The following GRIP1 variants were observed in gnomAD, a reference collection of about 807,000 sequenced individuals.
GRIP1 encodes the protein glutamate receptor interacting protein 1, also known as glutamate receptor-interacting protein 1.
In GRIP1, 45 loss-of-function variants were observed where a neutral mutation model predicts 129.9. The observed-to-expected ratio is 0.35, with a 90% CI of 0.27 to 0.44. The LOEUF (loss-of-function observed/expected upper bound fraction) is 0.44, where lower values mean the gene tolerates loss of function less well. Ranked by LOEUF, GRIP1 falls within the 20% of genes least tolerant of loss-of-function variation. The probability of loss-of-function intolerance (pLI) is 1.00; values close to 1 mark genes in which losing one functional copy is unlikely to be tolerated. For synonymous variants in GRIP1, 530 were observed against 520.8 expected (o/e 1.02, Z -0.24); for missense variants, 1,196 against 1,396.8 (o/e 0.86, Z 2.29).
intron 1 of GRIP1, among the ~76,000 whole-genome samples, chr12:66,962,338 G>A (rs1035197746): frequency 1.3e-5 from 2 of 152,120 alleles, no homozygotes; most frequent in African/African-American, 4.8e-5. Context: ...ACTTCAAAGG[G>A]GAAAGGAATC....
intron 1 of GRIP1, among the ~76,000 whole-genome samples, chr12:66,669,343 G>A (rs1288276912): frequency 6.6e-6 from 1 of 152,046 alleles, no homozygotes; most frequent in Non-Finnish European, 1.5e-5. Context: ...AGCTGAGATC[G>A]TGCCACTGCA....
At chr12:66,982,503 C>T (rs1362122123) in intron 1 of GRIP1, among the ~76,000 whole-genome samples, 1 of 152,202 alleles carries the variant, frequency 6.6e-6, no homozygotes, top group Non-Finnish European at 1.5e-5. Flanking sequence ...ATTCTGCTCT[C>T]TCTCATTCTG....
At chr12:66,678,829 A>G in intron 1 of GRIP1, 21 bp downstream of exon 1, 1 of 1,609,264 alleles carries the variant, frequency 6.2e-7, no homozygotes, top group Non-Finnish European at 8.5e-7. Flanking sequence ...CGCTGAGGGA[A>G]TAACAAGGAA....
intron 17 of GRIP1, 111 bp from the exon 18 acceptor site, chr12:66,392,927 C>T (rs1445723867): frequency 3.9e-6 from 4 of 1,036,214 alleles, no homozygotes; most frequent in Admixed American, 3.4e-5. Context: ...TGGTAAGGAT[C>T]TCCAGAAGTC....
At chr12:66,735,800 A>G (rs2036577438) in intron 1 of GRIP1, among the ~76,000 whole-genome samples, 1 of 152,136 alleles carries the variant, frequency 6.6e-6, no homozygotes. Context: ...CATTACGAAG[A>G]CAAATCTCTC....
At chr12:67,000,385 A>G (rs2042534516) in intron 1 of GRIP1, among the ~76,000 whole-genome samples, 1 of 152,210 alleles carries the variant, frequency 6.6e-6, no homozygotes, top group Admixed American at 6.5e-5. Context: ...AAATAACAGG[A>G]AAAATATTAG....
intron 1 of GRIP1, among the ~76,000 whole-genome samples, chr12:66,842,633 T>G (rs1017259373): frequency 3.3e-5 from 5 of 152,202 alleles, no homozygotes; most frequent in Non-Finnish European, 7.4e-5. Context: ...AGAAAAGTCA[T>G]AACAAAAGTA....
chr12:66,811,600 C>T (rs919649195), intron 1 of GRIP1, among the ~76,000 whole-genome samples: 4 of 152,156 alleles, frequency 2.6e-5, no homozygotes, highest in South Asian at 4.1e-4. Context: ...TTGTCTCTCT[C>T]TGATTCTCTC....
intron 23 of GRIP1, among the ~76,000 whole-genome samples, chr12:66,363,200 C>CTATATATATATATATATATATAT (rs1565666281): frequency 0.024 from 2,087 of 88,024 alleles, 234 homozygotes; most frequent in East Asian, 0.026. Context: ...TGTGTGTGTC[C>CTATATATATATATATATATATAT]ATATATATAT....
At chr12:66,608,907 T>C (rs2064665766) in intron 1 of GRIP1, among the ~76,000 whole-genome samples, 1 of 150,450 alleles carries the variant, frequency 6.6e-6, no homozygotes, top group South Asian at 2.1e-4. Flanking sequence ...CAAGGACCAG[T>C]AGGAATCCCA....
At chr12:66,833,179 T>G (rs2039549253) in intron 1 of GRIP1, among the ~76,000 whole-genome samples, 1 of 152,238 alleles carries the variant, frequency 6.6e-6, no homozygotes, top group Non-Finnish European at 1.5e-5. Context: ...TGATTCAGTC[T>G]TGAGTGGTGC....
intron 1 of GRIP1, among the ~76,000 whole-genome samples, chr12:66,961,986 C>T (rs537956613): frequency 3.9e-5 from 6 of 152,236 alleles, no homozygotes; most frequent in Non-Finnish European, 7.4e-5. Context: ...GTGTAGAGAA[C>T]GATGTTTTGA....
At position 66,849,020 on chromosome 12, in the gene GRIP1, C is replaced by G. The variant is rs187150302; in HGVS notation, c.58+220030G>C. The stretch of plus-strand genomic sequence containing the variant: ...CCACCTAGGTTCTCCCAACTGTACT[C>G]CATCCTGCATATTGCTGCCAGGTTC... On this transcript the variant is annotated intron_variant, in intron 1 of 1. Coordinates refer to the GRIP1 transcript ENST00000643019. Among the ~76,000 whole-genome samples the G allele has an allele frequency of 2.4e-3, 368 of 152,264 alleles. 3 individuals carry two copies. Among genetic ancestry groups the G allele is most frequent in the African/African-American group, 8.6e-3 (356 of 41,562 alleles).
At position 66,487,883 on chromosome 12, in the gene GRIP1, T is replaced by C. The variant is rs534463285; in HGVS notation, c.725-22461A>G. On this transcript the variant is annotated intron_variant, in intron 7 of 24. Transcript: ENST00000359742. ...AAACCAACAAAGATAAAAAAGACAA[T>C]GGGATTACATAATGGTAAAGGGTTC... Among the ~76,000 whole-genome samples, 14 of 151,306 alleles carry C rather than the reference T, an allele frequency of 9.3e-5. No homozygotes were observed. The South Asian group carries it at 2.5e-3, about 27-fold the overall frequency.
At chr12:66,918,099 G>A (rs1350177597) in intron 1 of GRIP1, among the ~76,000 whole-genome samples, 1 of 151,056 alleles carries the variant, frequency 6.6e-6, no homozygotes, top group African/African-American at 2.4e-5. Flanking sequence ...GATCTGCAAG[G>A]TAAGTTGGTG....
chr12:66,486,629 C>G (rs966788544), intron 7 of GRIP1, among the ~76,000 whole-genome samples: 1 of 152,148 alleles, frequency 6.6e-6, no homozygotes, highest in African/African-American at 2.4e-5. Flanking sequence ...ATGGGACTTG[C>G]TCCTTCTTGC....
At chr12:66,782,407 G>A (rs1323169084) in intron 1 of GRIP1, among the ~76,000 whole-genome samples, 1 of 152,160 alleles carries the variant, frequency 6.6e-6, no homozygotes, top group Non-Finnish European at 1.5e-5. Flanking sequence ...TGGAGGCAAT[G>A]AAGTTCCTGG....
chr12:66,835,842 C>T (rs1351282684), intron 1 of GRIP1, among the ~76,000 whole-genome samples: 2 of 152,072 alleles, frequency 1.3e-5, no homozygotes, highest in Non-Finnish European at 2.9e-5. Context: ...TTTACCCAAA[C>T]CTACAGAATG....
intron 2 of GRIP1, 125 bp downstream of exon 2, chr12:66,596,722 T>C (rs983762936): frequency 1.3e-5 from 9 of 706,368 alleles, no homozygotes; most frequent in East Asian, 2.8e-5. Flanking sequence ...ATTCAGTCTA[T>C]GCTCTGTGAA....
Sources: allele counts gnomAD v4.1 joint callset (sites outside exome capture counted in the v4.1 genomes callset), GRCh38; gene constraint gnomAD v4.1.1; transcripts MANE v1.5; gene names NCBI Gene and HGNC (gene_info 2026-07-23, HGNC 2026-07-21).